SHMT1: variants seen among roughly 807,000 people sequenced by gnomAD.
The protein encoded by SHMT1 is serine hydroxymethyltransferase 1, also known as serine hydroxymethyltransferase, cytosolic.
Under a neutral mutation model 49.0 loss-of-function variants are expected in SHMT1, and 45 were observed. The observed-to-expected ratio is 0.92, with a 90% CI of 0.72 to 1.18. The LOEUF (loss-of-function observed/expected upper bound fraction) is 1.18, where lower values mean the gene tolerates loss of function less well. Among genes scored for constraint, SHMT1 ranks in the 50% most tolerant of loss-of-function variants. The pLI, the probability that SHMT1 is intolerant of heterozygous loss-of-function variation, is 0.00. For synonymous variants in SHMT1, 232 were observed against 246.6 expected (o/e 0.94, Z 0.55); for missense variants, 541 against 612.4 (o/e 0.88, Z 1.23).
intron 3 of SHMT1, among the ~76,000 whole-genome samples, chr17:18,350,974 C>A (rs1985630350): frequency 6.6e-6 from 1 of 151,940 alleles, no homozygotes; most frequent in Admixed American, 6.6e-5. Flanking sequence ...CTCAGGTGAT[C>A]CACCTGCCTC....
At chr17:18,342,534 G>A (rs1430816242) in intron 5 of SHMT1, among the ~76,000 whole-genome samples, 4 of 151,836 alleles carry the variant, frequency 2.6e-5, no homozygotes, top group African/African-American at 4.8e-5. Flanking sequence ...GGCTGGTCTC[G>A]AACTCCTGGA....
chr17:18,357,279 CAAAAAAAAAAAAAA>C (rs10560620), intron 1 of SHMT1, among the ~76,000 whole-genome samples: 30,996 of 90,188 alleles, frequency 0.34, 3,791 homozygotes, highest in East Asian at 0.45. Flanking sequence ...GACTCCACCT[CAAAAAAAAAAAAAA>C]AAAAAAAAAA....
chr17:18,347,875 AATGCAGAGGG>A (rs1353676682), intron 4 of SHMT1, among the ~76,000 whole-genome samples: 1 of 151,552 alleles, frequency 6.6e-6, no homozygotes, highest in Non-Finnish European at 1.5e-5. Flanking sequence ...GCCCAAGGGT[AATGCAGAGGG>A]ATGCGTGACT....
intron 1 of SHMT1, among the ~76,000 whole-genome samples, chr17:18,361,682 A>C (rs1428556935): frequency 1.3e-5 from 2 of 150,118 alleles, no homozygotes; most frequent in African/African-American, 4.9e-5. Flanking sequence ...GCTACTCAGG[A>C]GGCTGAGGCA....
intron 2 of SHMT1, 37 bp downstream of exon 2, chr17:18,355,848 CA>C (rs1986186183): frequency 7.7e-7 from 1 of 1,303,002 alleles, no homozygotes; most frequent in Non-Finnish European, 1.1e-6. Context: ...TGAAGGCCTC[CA>C]ACATAAAAAA....
intron 8 of SHMT1, 74 bp from the exon 9 acceptor site, chr17:18,333,362 T>C (rs1211022703): frequency 3.4e-6 from 5 of 1,481,188 alleles, no homozygotes; most frequent in Non-Finnish European, 4.6e-6. Flanking sequence ...ACAACATTCC[T>C]GTTTTTACTC....
In SHMT1 at chr17:18,340,723, G is replaced by A. The variant is rs767314187; in HGVS notation, c.601+9C>T. On this transcript the variant is annotated intron_variant, in intron 6 of 11. Coordinates refer to ENST00000316694, the MANE Select transcript of SHMT1 (RefSeq NM_004169.5). This position sits in a 1 kb window ranked among gnomAD's most constrained non-coding sequence, Gnocchi z 4.5. ...GGTGAACAAGGTGACTTTCCGCCCC[G>A]CGCATCACCTGCGATGATCAGCTTC... 23 of 1,609,072 alleles carry A rather than the reference G, an allele frequency of 1.4e-5. No homozygotes were observed. Among genetic ancestry groups the A allele is most frequent in the South Asian group, 8.9e-5 (8 of 89,732 alleles).
At chr17:18,356,638 A>T (rs1211044678) in intron 1 of SHMT1, among the ~76,000 whole-genome samples, 1 of 152,152 alleles carries the variant, frequency 6.6e-6, no homozygotes, top group African/African-American at 2.4e-5. Context: ...TGGCCGCAGC[A>T]TTATATTGAA....
intron 1 of SHMT1, among the ~76,000 whole-genome samples, chr17:18,360,200 G>T (rs1158504101): frequency 6.6e-6 from 1 of 152,026 alleles, no homozygotes; most frequent in African/African-American, 2.4e-5. Flanking sequence ...AGTGAGCCGA[G>T]ATCATACCAT....
chr17:18,342,961 A>C lies in SHMT1; in HGVS notation c.520-2148T>G, dbSNP rs1477558429. On this transcript the variant is annotated intron_variant, in intron 5 of 11. Coordinates refer to ENST00000316694, the MANE Select transcript of SHMT1 (RefSeq NM_004169.5). The stretch of plus-strand genomic sequence containing the variant: ...AAAAAAAAAAAATTAAAATTGAATA[A>C]ATAAATAAATAAATAAAACAATCAA... 2.0e-5 allele frequency among the ~76,000 whole-genome samples: 3 copies of C among 151,824 alleles called. No homozygotes were observed. In the East Asian group the frequency reaches 5.8e-4, roughly 29 times the overall value.
At chr17:18,347,445 C>G in intron 5 of SHMT1, 51 bp downstream of exon 5, 12 of 1,600,514 alleles carry the variant, frequency 7.5e-6, no homozygotes, top group Non-Finnish European at 1.0e-5. Flanking sequence ...CACAGCCAAG[C>G]ATCAGAGGTT....
chr17:18,352,909 GGA>G (rs1246886550), intron 3 of SHMT1, among the ~76,000 whole-genome samples: 1 of 151,842 alleles, frequency 6.6e-6, no homozygotes, highest in African/African-American at 2.4e-5. Context: ...GAAAAAGAAA[GGA>G]GAGAGAGAAA....
chr17:18,348,373 AG>A lies in SHMT1; in HGVS notation c.309del (p.Tyr104IlefsTer46), dbSNP rs1388742462. On this transcript the variant is annotated frameshift_variant, in exon 4 of 12. Coordinates refer to ENST00000316694, the MANE Select transcript of SHMT1 (RefSeq NM_004169.5). LOFTEE classifies it high-confidence loss of function. ...CCCCAGCACTGTGGGTCCAGCTTAT[AG>A]GCCTGCAGGGCTCGCTTCTGACAGA... is the stretch of plus-strand genomic sequence containing the variant. The part of the protein sequence containing the change: ...ETLCQKRALQ[A>X]YKLDPQCWGV... The A allele has an allele frequency of 6.2e-7, 1 of 1,614,038 alleles. No individual in the cohort carries two copies. Among genetic ancestry groups the A allele is most frequent in the South Asian group, 1.1e-5 (1 of 91,076 alleles).
At chr17:18,360,935 C>G (rs1476521322) in intron 1 of SHMT1, among the ~76,000 whole-genome samples, 3 of 151,938 alleles carry the variant, frequency 2.0e-5, no homozygotes, top group African/African-American at 7.3e-5. Context: ...TTTGGGAGGC[C>G]GAGGTGGGTG....
intron 9 of SHMT1, chr17:18,330,977 A>G (rs1567767972): frequency 2.4e-6 from 1 of 410,226 alleles, no homozygotes; most frequent in East Asian, 5.6e-5. Context: ...TGCTTGGGCA[A>G]TTCCCTAACA....
chr17:18,340,783 C>A lies in SHMT1; in HGVS notation c.550G>T (p.Asp184Tyr). 1 of 1,613,582 alleles carries A rather than the reference C, an allele frequency of 6.2e-7. No homozygotes were observed. Among genetic ancestry groups the A allele is most frequent in the South Asian group, 1.1e-5 (1 of 90,858 alleles). The change falls in exon 6 of 12, where the codon GAC (aspartate) becomes TAC (tyrosine). Residue 184 changes from aspartate to tyrosine, a missense_variant. Coordinates refer to ENST00000316694, the MANE Select transcript of SHMT1 (RefSeq NM_004169.5). This position sits in a 1 kb window ranked among gnomAD's most constrained non-coding sequence, Gnocchi z 4.5. ...VNPDTGYINY[D>Y]QLEENARLFH... The stretch of plus-strand genomic sequence containing the variant: ...AGGCGTGCGTTCTCCTCCAGCTGGT[C>A]ATAGTTGATGTAGCCAGTATCTGGG...
chr17:18,359,622 A>G (rs2151610630), intron 1 of SHMT1, among the ~76,000 whole-genome samples: 1 of 151,906 alleles, frequency 6.6e-6, no homozygotes, highest in South Asian at 2.1e-4. Flanking sequence ...ACTGCACTCC[A>G]GTCTGGGTGA....
intron 4 of SHMT1, 142 bp downstream of exon 4, chr17:18,348,183 G>A (rs1481142990): frequency 4.3e-6 from 3 of 701,244 alleles, no homozygotes; most frequent in African/African-American, 3.5e-5. Context: ...GCCTCCCAAA[G>A]TGCTGGGATT....
intron 3 of SHMT1, among the ~76,000 whole-genome samples, chr17:18,348,915 G>C (rs1163955969): frequency 6.6e-6 from 1 of 151,080 alleles, no homozygotes; most frequent in Non-Finnish European, 1.5e-5. Context: ...GGAGGTAAAG[G>C]CTGCAGTGAG....
Sources: allele counts gnomAD v4.1 joint callset (sites outside exome capture counted in the v4.1 genomes callset), GRCh38; gene constraint gnomAD v4.1.1; non-coding constraint Gnocchi (gnomAD v3.1); transcripts MANE v1.5; gene names NCBI Gene and HGNC (gene_info 2026-07-23, HGNC 2026-07-21).